COMMD7: variants seen among roughly 807,000 people sequenced by gnomAD.
COMMD7 encodes COMM domain containing 7.
In COMMD7, 28 loss-of-function variants were observed where a neutral mutation model predicts 34.8. The observed-to-expected ratio is 0.80, with a 90% CI of 0.60 to 1.10. COMMD7 has a LOEUF of 1.10. COMMD7 is among the 50% of genes least tolerant of loss of function. The pLI, the probability that COMMD7 is intolerant of heterozygous loss-of-function variation, is 0.00. For missense variants in COMMD7, 211 were observed against 241.6 expected (o/e 0.87, Z 0.84); for synonymous variants, 80 against 86.4 (o/e 0.93, Z 0.41).
At chr20:32,718,520 G>A (rs904359264) in intron 3 of COMMD7, among the ~76,000 whole-genome samples, 3 of 152,050 alleles carry the variant, frequency 2.0e-5, no homozygotes, top group Non-Finnish European at 4.4e-5. Context: ...GCAACACAGT[G>A]AAACCCCGTT....
intron 1 of COMMD7, among the ~76,000 whole-genome samples, chr20:32,729,159 T>G (rs1985695651): frequency 6.7e-6 from 1 of 150,020 alleles, no homozygotes; most frequent in South Asian, 2.2e-4. Flanking sequence ...CTGGGGGCGC[T>G]TATTTTGATT....
At chr20:32,721,861 C>T (rs530807576) in intron 3 of COMMD7, among the ~76,000 whole-genome samples, 5 of 149,754 alleles carry the variant, frequency 3.3e-5, no homozygotes, top group South Asian at 4.2e-4. Context: ...CATGCTACTG[C>T]GCTCCAGCCT....
chr20:32,743,371 A>C lies in COMMD7; in HGVS notation c.21T>G (p.Thr7=), dbSNP rs1002460001. The change falls in exon 1 of 9, where the codon ACT becomes ACG. Residue 7 remains threonine, a synonymous_variant. Transcript: ENST00000278980. ...CCACGGCCTCCGGCACCGGGTCCTC[A>C]GTGCAGTGCAGGCGGCCCATGGCGC... is the stretch of plus-strand genomic sequence containing the variant. MGRLHC[T]EDPVPEAVGG... is the part of the protein sequence containing the mutation. The C allele has an allele frequency of 1.5e-5, 22 of 1,474,352 alleles. No homozygotes were observed. The highest frequency in any genetic ancestry group is 1.9e-5 in the Non-Finnish European group (21 of 1,120,594). The allele number at this position is 1,474,352 out of a possible 1,614,324, so 91.3% of individuals were successfully genotyped here.
chr20:32,739,970 C>T (rs1361741728), intron 1 of COMMD7, among the ~76,000 whole-genome samples: 3 of 142,068 alleles, frequency 2.1e-5, no homozygotes, highest in Admixed American at 2.1e-4. Context: ...TTCAGTGAGC[C>T]GAGATCACAT....
Position 32,707,772 on chromosome 20 carries a change from A to G in COMMD7, c.242-1012T>C, listed in dbSNP as rs991148500. ...GATACGAATTCCTGGAGCAAGAGGC[A>G]GGGGAGTGTAATGTCAGGTTGGGCA... is the stretch of plus-strand genomic sequence containing the variant. On this transcript the variant is annotated intron_variant, in intron 3 of 8. Transcript: ENST00000278980. Among the ~76,000 whole-genome samples, 4 of 152,136 alleles carry G rather than the reference A, an allele frequency of 2.6e-5. No individual in the cohort carries two copies. In the East Asian group the frequency reaches 5.8e-4, roughly 22 times the overall value.
chr20:32,726,062 CAAAAAAAAAA>C (rs34689858), intron 3 of COMMD7, among the ~76,000 whole-genome samples: 2 of 71,134 alleles, frequency 2.8e-5, no homozygotes, highest in African/African-American at 1.1e-4. Flanking sequence ...AAGCCTGTCT[CAAAAAAAAAA>C]AAAAAAAAAA....
intron 6 of COMMD7, 33 bp downstream of exon 6, chr20:32,704,781 C>A: frequency 1.3e-6 from 2 of 1,524,788 alleles, no homozygotes; most frequent in Non-Finnish European, 1.8e-6. Flanking sequence ...CCTGTACCAC[C>A]CAAATAACCC....
At chr20:32,704,751 C>A in intron 6 of COMMD7, 63 bp downstream of exon 6, 2 of 1,246,170 alleles carry the variant, frequency 1.6e-6, no homozygotes, top group South Asian at 2.5e-5. Flanking sequence ...GTGGCTGTGT[C>A]ACAGCCTCTG....
At chr20:32,743,237 T>TGCCCCCCCCCCCCCC in intron 1 of COMMD7, 71 bp downstream of exon 1, 11 of 526,946 alleles carry the variant, frequency 2.1e-5, no homozygotes, top group East Asian at 5.2e-5. Context: ...CCCCCGGACG[T>TGCCCCCCCCCCCCCC]CCCCCCCACC....
At chr20:32,714,170 T>C (rs1295894645) in intron 3 of COMMD7, among the ~76,000 whole-genome samples, 1 of 151,692 alleles carries the variant, frequency 6.6e-6, no homozygotes, top group South Asian at 2.1e-4. Flanking sequence ...TGGAGAAAAA[T>C]AGTAGGGTGG....
chr20:32,719,119 C>T (rs1388409967), intron 3 of COMMD7, among the ~76,000 whole-genome samples: 2 of 152,146 alleles, frequency 1.3e-5, no homozygotes, highest in African/African-American at 2.4e-5. Flanking sequence ...TAGGAAAGGC[C>T]TTGAATGCCA....
intron 3 of COMMD7, among the ~76,000 whole-genome samples, chr20:32,718,631 G>C (rs1405696086): frequency 6.6e-6 from 1 of 151,334 alleles, no homozygotes; most frequent in Non-Finnish European, 1.5e-5. Flanking sequence ...CTCAGGAGGC[G>C]GAGGTTGCAG....
At chr20:32,732,150 A>G (rs565473957) in intron 1 of COMMD7, among the ~76,000 whole-genome samples, 7 of 152,126 alleles carry the variant, frequency 4.6e-5, no homozygotes, top group Non-Finnish European at 8.8e-5. Context: ...TGGCGCAATC[A>G]CGGCTCGCTG....
At chr20:32,705,358 GTATA>G (rs559340881) in intron 5 of COMMD7, among the ~76,000 whole-genome samples, 119 of 138,520 alleles carry the variant, frequency 8.6e-4, no homozygotes, top group South Asian at 1.3e-3. Flanking sequence ...ATGTGTGTGT[GTATA>G]TATATATATA....
chr20:32,720,508 A>G (rs1207693772), intron 3 of COMMD7, among the ~76,000 whole-genome samples: 1 of 151,612 alleles, frequency 6.6e-6, no homozygotes, highest in Non-Finnish European at 1.5e-5. Flanking sequence ...AAAAAGAAAA[A>G]GAAAGAAAAA....
intron 3 of COMMD7, 143 bp from the exon 4 acceptor site, chr20:32,706,903 T>C (rs1482708110): frequency 3.1e-6 from 2 of 642,184 alleles, no homozygotes; most frequent in Non-Finnish European, 5.7e-6. Context: ...AATCCAGCCA[T>C]GGGGAAATAG....
intron 1 of COMMD7, among the ~76,000 whole-genome samples, chr20:32,739,345 C>T (rs1568797987): frequency 6.6e-6 from 1 of 152,060 alleles, no homozygotes; most frequent in Non-Finnish European, 1.5e-5. Context: ...TGCAAGGACT[C>T]AATTAGTTAA....
intron 3 of COMMD7, among the ~76,000 whole-genome samples, chr20:32,715,754 C>T (rs1206865264): frequency 6.6e-6 from 1 of 152,106 alleles, no homozygotes; most frequent in Non-Finnish European, 1.5e-5. Context: ...CTGCAGTGAA[C>T]TGTGATCATG....
At position 32,703,376 on chromosome 20, in the gene COMMD7, C is replaced by A. The variant is rs1484361345; in HGVS notation, c.*6G>T. The A allele has an allele frequency of 1.2e-6, 2 of 1,613,314 alleles. No individual in the cohort carries two copies. Among genetic ancestry groups the A allele is most frequent in the Admixed American group, 3.3e-5 (2 of 59,860 alleles). On this transcript the variant is annotated 3_prime_UTR_variant, in exon 9 of 9. Coordinates refer to ENST00000278980, the MANE Select transcript of COMMD7 (RefSeq NM_053041.3). ...AACGGGGCCAGGGGAGATGCAGGGA[C>A]AGAAATCAGCAGAAACACTCCATGC...
Sources: gnomAD v4.1 joint callset for allele counts (sites outside exome capture counted in the v4.1 genomes callset) on GRCh38, gnomAD v4.1.1 for gene constraint, MANE v1.5 for transcripts, NCBI Gene and HGNC (gene_info 2026-07-23, HGNC 2026-07-21) for gene names.